The following DDX21 variants were observed in gnomAD, a reference collection of about 807,000 sequenced individuals.
DDX21 encodes DExD-box helicase 21, also known as nucleolar RNA helicase 2.
A neutral mutation model predicts 90.0 loss-of-function variants in DDX21; 18 were observed. The ratio of observed to expected loss-of-function variants is 0.20; its 90% confidence interval spans 0.14 to 0.30. The LOEUF (loss-of-function observed/expected upper bound fraction) is 0.30, where lower values mean the gene tolerates loss of function less well. Ranked by LOEUF, DDX21 falls within the 10% of genes least tolerant of loss-of-function variation. The pLI, the probability that DDX21 is intolerant of heterozygous loss-of-function variation, is 1.00. For missense variants in DDX21, 673 were observed against 944.5 expected (o/e 0.71, Z 3.77); for synonymous variants, 294 against 318.0 (o/e 0.92, Z 0.80).
chr10:68,964,811 G>C (rs1251008898), intron 4 of DDX21, among the ~76,000 whole-genome samples: 1 of 150,616 alleles, frequency 6.6e-6, no homozygotes, highest in African/African-American at 2.4e-5. Flanking sequence ...GAGCCACCAC[G>C]CCTGGCTCAT....
intron 9 of DDX21, 47 bp downstream of exon 9, chr10:68,972,099 T>C (rs775915403): frequency 6.4e-7 from 1 of 1,567,216 alleles, no homozygotes. Context: ...TTTTTTTGGG[T>C]ATTAAAACAA....
chr10:68,972,979 G>A (rs1843047895), intron 9 of DDX21, among the ~76,000 whole-genome samples: 1 of 152,156 alleles, frequency 6.6e-6, no homozygotes, highest in African/African-American at 2.4e-5. Context: ...AAGGTCAGGA[G>A]TTCGAGACCA....
chr10:68,958,698 A>G (rs898237358), intron 1 of DDX21, among the ~76,000 whole-genome samples: 7 of 152,132 alleles, frequency 4.6e-5, no homozygotes, highest in Non-Finnish European at 7.4e-5. Flanking sequence ...TGGCCTCCCA[A>G]AGTCCTGAGA....
At chr10:68,966,515 T>A (rs1052457440) in intron 5 of DDX21, among the ~76,000 whole-genome samples, 3 of 151,970 alleles carry the variant, frequency 2.0e-5, no homozygotes, top group African/African-American at 7.2e-5. Flanking sequence ...TGATCTTGGC[T>A]CACTGCAACC....
Position 68,984,085 on chromosome 10 carries a change from C to G in DDX21, c.*1273C>G, listed in dbSNP as rs1209182672. ...GCCTGATTTCTCAGATATTATTTCTCTGGGAAACATTCTACATAGCACAGG... is the reference window on the plus strand; with the variant it reads ...GCCTGATTTCTCAGATATTATTTCTGTGGGAAACATTCTACATAGCACAGG... On this transcript the variant is annotated 3_prime_UTR_variant, in exon 15 of 15. Transcript: ENST00000354185. The G allele has an allele frequency of 6.6e-6, 1 of 152,214 alleles. No individual in the cohort carries two copies. Among genetic ancestry groups the G allele is most frequent in the Non-Finnish European group, 1.5e-5 (1 of 68,036 alleles). 9.4% of individuals were successfully genotyped at this position (152,214 alleles called of 1,614,324 possible).
At chr10:68,956,503 C>T (rs1055485609) in intron 1 of DDX21, 191 bp downstream of exon 1, 7 of 1,433,842 alleles carry the variant, frequency 4.9e-6, no homozygotes, top group Non-Finnish European at 6.4e-6. Flanking sequence ...GTCGTTTGCC[C>T]GACCGAGCCA....
intron 6 of DDX21, 137 bp downstream of exon 6, chr10:68,967,340 C>T (rs1358783979): frequency 2.5e-6 from 2 of 794,654 alleles, no homozygotes; most frequent in East Asian, 2.8e-5. Context: ...CGCCTGGCCT[C>T]GTATTTTTAG....
intron 13 of DDX21, among the ~76,000 whole-genome samples, chr10:68,979,774 C>T (rs763717578): frequency 6.6e-6 from 1 of 152,192 alleles, no homozygotes; most frequent in Non-Finnish European, 1.5e-5. Context: ...CTCCACAAAA[C>T]TTGTGGGATA....
chr10:68,977,026 T>G (rs1159187765), intron 11 of DDX21, among the ~76,000 whole-genome samples: 1 of 152,030 alleles, frequency 6.6e-6, no homozygotes, highest in Non-Finnish European at 1.5e-5. Context: ...TCCTCCCACC[T>G]CAGCCTCCCA....
chr10:68,983,019 G>T lies in DDX21; in HGVS notation c.*207G>T. The T allele has an allele frequency of 4.5e-6, 3 of 666,280 alleles. No homozygotes were observed. The highest frequency in any genetic ancestry group is 2.2e-5 in the South Asian group (1 of 44,978). The allele number at this position is 666,280 out of a possible 1,614,324, so 41.3% of individuals were successfully genotyped here. A position where few individuals can be genotyped will look rare whatever the true frequency, so the allele number is the denominator to read the frequency against. On this transcript the variant is annotated 3_prime_UTR_variant, in exon 15 of 15. Coordinates refer to ENST00000354185, the MANE Select transcript of DDX21 (RefSeq NM_004728.4). ...TAACTTTATTGTTACTTCTTCATCA[G>T]TTTTTCCTTTTGAAAGGTGTATGAA...
In DDX21 at chr10:68,963,101, A is replaced by G. The variant is rs185917856; in HGVS notation, c.608-190A>G. 3.2e-3 allele frequency among the ~76,000 whole-genome samples: 492 copies of G among 152,322 alleles called. 7 individuals carry two copies. The highest frequency in any genetic ancestry group is 0.011 in the African/African-American group (461 of 41,580). ...TATGATCACACCACTGTACTCCAGCATGGGCGACAAAGCAAGACCTTGTCT... is the reference window on the plus strand; with the variant it reads ...TATGATCACACCACTGTACTCCAGCGTGGGCGACAAAGCAAGACCTTGTCT... On this transcript the variant is annotated intron_variant, in intron 3 of 14. Transcript: ENST00000354185.
intron 9 of DDX21, 148 bp from the exon 10 acceptor site, chr10:68,973,397 G>T: frequency 1.1e-6 from 1 of 911,260 alleles, no homozygotes. Context: ...ATTGCCAGAG[G>T]TCTTTAAATT....
intron 13 of DDX21, among the ~76,000 whole-genome samples, chr10:68,980,832 CAAAAAAAA>C (rs11340675): frequency 2.0e-5 from 2 of 99,646 alleles, no homozygotes; most frequent in Non-Finnish European, 4.2e-5. Flanking sequence ...CTGTCTCTAC[CAAAAAAAA>C]AAAAAAAAAA....
rs1202686180 is a variant in DDX21, at chr10:68,983,633, A to C, written c.*821A>C. The stretch of plus-strand genomic sequence containing the variant: ...CTCCACTTCTTCCTATTGGAAGATT[A>C]ACATTATTTACCAAGAAGGACTTAA... On this transcript the variant is annotated 3_prime_UTR_variant, in exon 15 of 15. Coordinates refer to ENST00000354185, the MANE Select transcript of DDX21 (RefSeq NM_004728.4). The C allele has an allele frequency of 6.6e-6, 1 of 150,890 alleles. No homozygotes were observed. The highest frequency in any genetic ancestry group is 6.6e-5 in the Admixed American group (1 of 15,118). 9.3% of individuals were successfully genotyped at this position (150,890 alleles called of 1,614,324 possible). A position where few individuals can be genotyped will look rare whatever the true frequency, so the allele number is the denominator to read the frequency against.
chr10:68,970,954 A>ATTTT (rs1843017163), intron 8 of DDX21, among the ~76,000 whole-genome samples: 1 of 87,986 alleles, frequency 1.1e-5, no homozygotes, highest in Non-Finnish European at 2.3e-5. Flanking sequence ...CGCCCAGCCT[A>ATTTT]ATTTTTTTTT....
At chr10:68,981,270 C>T (rs373619905) in intron 13 of DDX21, among the ~76,000 whole-genome samples, 1 of 152,246 alleles carries the variant, frequency 6.6e-6, no homozygotes, top group South Asian at 2.1e-4. Flanking sequence ...AGGGGGTTAG[C>T]ACAGTGTAAT....
intron 6 of DDX21, among the ~76,000 whole-genome samples, chr10:68,967,590 G>GA (rs141142270): frequency 6.6e-6 from 1 of 150,714 alleles, no homozygotes; most frequent in East Asian, 1.9e-4. Context: ...AGCTGGTGAG[G>GA]AAAAAAAAAG....
chr10:68,981,048 A>T (rs1387227223), intron 13 of DDX21, among the ~76,000 whole-genome samples: 1 of 152,088 alleles, frequency 6.6e-6, no homozygotes, highest in Non-Finnish European at 1.5e-5. Flanking sequence ...ACAATAGAAG[A>T]TCACTTGTTT....
At position 68,978,932 on chromosome 10, in the gene DDX21, A is replaced by G. The variant is rs1843147299; in HGVS notation, c.1993A>G (p.Ile665Val). Residue 665 changes from isoleucine (I) to valine (V), a missense_variant, in exon 13 of 15, where the codon ATT (isoleucine) becomes GTT (valine). Ile to Val is a conservative substitution (Grantham distance 29). Transcript: ENST00000354185. ...KELKEQLGEEIDSKVKGMVFL... is the reference protein window; with the variant it reads ...KELKEQLGEEVDSKVKGMVFL... ...ACTTAAAGAGCAGCTGGGCGAGGAG[A>G]TTGATTCCAAAGTGAAGGGAATGGT... is the stretch of plus-strand genomic sequence containing the variant. 1.2e-6 allele frequency: 2 copies of G among 1,614,192 alleles called. No homozygotes were observed. Among genetic ancestry groups the G allele is most frequent in the African/African-American group, 2.7e-5 (2 of 75,064 alleles).
Sources: gnomAD v4.1 joint callset for allele counts (sites outside exome capture counted in the v4.1 genomes callset) on GRCh38, gnomAD v4.1.1 for gene constraint, MANE v1.5 for transcripts, NCBI Gene and HGNC (gene_info 2026-07-23, HGNC 2026-07-21) for gene names.